The following OCRL variants were observed in gnomAD, a reference collection of about 807,000 sequenced individuals.
OCRL encodes the protein OCRL inositol polyphosphate-5-phosphatase, also known as inositol polyphosphate 5-phosphatase OCRL.
OCRL carries 8 observed loss-of-function variants against 78.9 expected under a neutral mutation model. That is an observed-to-expected ratio of 0.10 (90% CI 0.06 to 0.18). The LOEUF is 0.18. OCRL is among the 10% of genes least tolerant of loss of function. The pLI is 1.00. For synonymous variants in OCRL, 240 were observed against 235.4 expected, an observed-to-expected ratio of 1.02 and a Z score of -0.18; for missense variants, 454 against 696.7, an observed-to-expected ratio of 0.65 and a Z score of 3.92.
At position 129,582,406 on chromosome X, in the gene OCRL, A is replaced by G. The variant is rs554968226; in HGVS notation, c.2116-1938A>G. Among the ~76,000 whole-genome samples, 4 of 112,705 alleles carry G rather than the reference A, an allele frequency of 3.5e-5. No individual in the cohort carries two copies. The South Asian group carries it at 1.1e-3, about 31-fold the overall frequency. On this transcript the variant is annotated intron_variant, in intron 18 of 23. Transcript: ENST00000371113. ...CCTTCCCCTGCAAAGGCATTTTAGC[A>G]CAATGCCTTGTACTGGAGGATGGCT...
At chrX:129,570,514 C>G (rs773680742) in intron 15 of OCRL, among the ~76,000 whole-genome samples, 1 of 112,138 alleles carries the variant, frequency 8.9e-6, no homozygotes, top group Non-Finnish European at 1.9e-5. Flanking sequence ...TTATCCTGCT[C>G]CTGTTTTAAG....
intron 22 of OCRL, 38 bp from the exon 23 acceptor site, chrX:129,589,807 C>A: frequency 1.0e-6 from 1 of 958,556 alleles, no homozygotes; most frequent in Non-Finnish European, 1.5e-6. Flanking sequence ...CATCTTCCAC[C>A]TGTTTTTCTC....
At chrX:129,540,519 CCGGGGGTGGGGGT>C (rs1347395368) in intron 1 of OCRL, 41 bp downstream of exon 1, 20 of 1,086,517 alleles carry the variant, frequency 1.8e-5, no homozygotes, top group Non-Finnish European at 2.3e-5. Flanking sequence ...CCGCGCAGGG[CCGGGGGTGGGGGT>C]CGGGGGCCCT....
rs1304623141 is a variant in OCRL at position 129,558,886 on chromosome X, A to T, written c.607A>T (p.Thr203Ser). The T allele has an allele frequency of 8.3e-7, 1 of 1,210,493 alleles. No homozygotes were observed. Among genetic ancestry groups the T allele is most frequent in the Non-Finnish European group, 1.1e-6 (1 of 895,256 alleles). The change falls in exon 8 of 24, where the codon ACC (threonine) becomes TCC (serine). Residue 203 changes from threonine (T) to serine (S), a missense_variant. Coordinates refer to ENST00000371113, the MANE Select transcript of OCRL (RefSeq NM_000276.4). ...TTCTAACAAGGAGCAGCCCAAAGTG[A>T]CCAACACCATGCGGAAGCTCTTTGT... Reference protein sequence around the residue: ...EASNKEQPKVTNTMRKLFVPN... With the variant: ...EASNKEQPKVSNTMRKLFVPN...
At chrX:129,556,851 C>T (rs1052077458) in intron 4 of OCRL, among the ~76,000 whole-genome samples, 1 of 112,082 alleles carries the variant, frequency 8.9e-6, no homozygotes, top group Non-Finnish European at 1.9e-5. Context: ...TAAATTTAAT[C>T]TGTGCTTACG....
Position 129,569,398 on chromosome X carries a change from G to A in OCRL, c.1601G>A (p.Gly534Glu), listed in dbSNP as rs1487308363. The A allele has an allele frequency of 8.3e-7, 1 of 1,207,278 alleles. No homozygotes were observed. The highest frequency in any genetic ancestry group is 3.0e-5 in the East Asian group (1 of 33,767). ...CCTGTTAGCGCCCTCTTCCATATTG[G>A]GGTAAACACTTGTTTGTACATTCAT... Reference protein sequence around the residue: ...HKPVSALFHIGVKVVDERRYR... With the variant: ...HKPVSALFHIEVKVVDERRYR... The change falls in exon 15 of 24, where the codon GGG becomes GAG. Residue 534 changes from glycine (G) to glutamate (E), a missense_variant and splice_region_variant. Physicochemically the swap from Gly to Glu is moderately conservative, Grantham distance 98. This residue lies in a region of OCRL where 277 missense variants were observed against 517.1 expected (regional missense o/e 0.54). Coordinates refer to ENST00000371113, the MANE Select transcript of OCRL (RefSeq NM_000276.4).
At chrX:129,540,609 C>A in intron 1 of OCRL, 131 bp downstream of exon 1, 1 of 518,543 alleles carries the variant, frequency 1.9e-6, no homozygotes, top group Non-Finnish European at 2.8e-6. Flanking sequence ...AGGGGGCCGG[C>A]GCGGGAGACG....
chrX:129,550,448 C>T (rs982704308), intron 4 of OCRL, among the ~76,000 whole-genome samples: 1 of 111,723 alleles, frequency 9.0e-6, no homozygotes, highest in Non-Finnish European at 1.9e-5. Flanking sequence ...AAATTAACTT[C>T]TTTATAAAAT....
At chrX:129,542,305 G>A (rs1296272685) in intron 2 of OCRL, among the ~76,000 whole-genome samples, 1 of 109,468 alleles carries the variant, frequency 9.1e-6, no homozygotes, top group Non-Finnish European at 1.9e-5. Flanking sequence ...GTATGGGGCT[G>A]CTATATAACT....
At chrX:129,557,747 A>C (rs1314171601) in intron 5 of OCRL, 114 bp from the exon 6 acceptor site, 1 of 600,539 alleles carries the variant, frequency 1.7e-6, no homozygotes, top group African/African-American at 2.2e-5. Context: ...ACTGTATCCA[A>C]AAATGGTGCT....
At chrX:129,569,840 C>CTTTTTTTTTTT (rs139960777) in intron 15 of OCRL, among the ~76,000 whole-genome samples, 7 of 83,828 alleles carry the variant, frequency 8.4e-5, no homozygotes, top group Admixed American at 1.3e-4. Flanking sequence ...CTTATTTTTT[C>CTTTTTTTTTTT]TTTTTTTTTT....
At chrX:129,562,541 C>T in intron 11 of OCRL, 41 bp downstream of exon 11, 1 of 1,187,124 alleles carries the variant, frequency 8.4e-7, no homozygotes, top group South Asian at 1.8e-5. Flanking sequence ...TATTCATGTT[C>T]ATGTAAAGTT....
chrX:129,575,691 A>G (rs761683652), intron 16 of OCRL: 1 of 464,326 alleles, frequency 2.2e-6, no homozygotes, highest in African/African-American at 2.4e-5. Context: ...GAGAAGTAGC[A>G]AGAGCCACCT....
At chrX:129,579,502 C>T (rs868830840) in intron 18 of OCRL, among the ~76,000 whole-genome samples, 1 of 111,777 alleles carries the variant, frequency 8.9e-6, no homozygotes, top group Non-Finnish European at 1.9e-5. Flanking sequence ...TCCTTATGCA[C>T]TGTTTTAGAA....
intron 6 of OCRL, 42 bp downstream of exon 6, chrX:129,557,992 C>CAACA: frequency 1.2e-6 from 1 of 858,139 alleles, no homozygotes; most frequent in Non-Finnish European, 1.7e-6. Context: ...ATGGTCATTG[C>CAACA]AGAGTCAGTA....
intron 12 of OCRL, among the ~76,000 whole-genome samples, chrX:129,563,494 TC>T (rs1936172822): frequency 8.9e-6 from 1 of 112,166 alleles, no homozygotes; most frequent in Non-Finnish European, 1.9e-5. Flanking sequence ...ATAGCACTAT[TC>T]TAGCCTTTTG....
chrX:129,540,558 G>A, intron 1 of OCRL, 80 bp downstream of exon 1: 1 of 1,074,891 alleles, frequency 9.3e-7, no homozygotes, highest in Non-Finnish European at 1.2e-6. Context: ...ACACGGTGGG[G>A]CGGGGCAACC....
intron 15 of OCRL, among the ~76,000 whole-genome samples, chrX:129,573,648 G>A (rs913432404): frequency 3.6e-5 from 4 of 111,471 alleles, no homozygotes; most frequent in African/African-American, 9.8e-5. Flanking sequence ...TCCGCCTCCC[G>A]GGCTCAAGGG....
At chrX:129,545,910 C>T (rs539928785) in intron 3 of OCRL, among the ~76,000 whole-genome samples, 79 of 111,175 alleles carry the variant, frequency 7.1e-4, no homozygotes, top group African/African-American at 2.0e-3. Context: ...GACGGGGTTT[C>T]GCCATGTTGC....
Sources: allele counts gnomAD v4.1 joint callset (sites outside exome capture counted in the v4.1 genomes callset), GRCh38; gene constraint gnomAD v4.1.1; regional missense constraint gnomAD v4.1.1; transcripts MANE v1.5; gene names NCBI Gene and HGNC (gene_info 2026-07-23, HGNC 2026-07-21).